Variants in EXOC4 observed in about 807,000 individuals in gnomAD.
EXOC4 encodes the protein SEC8-like 1.
Under a neutral mutation model 107.2 loss-of-function variants are expected in EXOC4, and 71 were observed. The ratio of observed to expected loss-of-function variants is 0.66; its 90% CI spans 0.55 to 0.81. EXOC4 has a LOEUF of 0.81. Among genes scored for constraint, EXOC4 ranks in the 30% least tolerant of loss-of-function variants. The pLI is 0.00. For synonymous variants in EXOC4, 456 were observed against 441.2 expected (o/e 1.03, Z -0.42); for missense variants, 1,108 against 1,189.6 (o/e 0.93, Z 1.01).
chr7:133,785,697 G>A (rs1796554183), intron 10 of EXOC4, among the ~76,000 whole-genome samples: 1 of 151,044 alleles, frequency 6.6e-6, no homozygotes, highest in Non-Finnish European at 1.5e-5. Flanking sequence ...TTTTGAGACG[G>A]AGTCTCGTTC....
At chr7:133,327,148 G>T (rs1403764684) in intron 5 of EXOC4, among the ~76,000 whole-genome samples, 1 of 152,254 alleles carries the variant, frequency 6.6e-6, no homozygotes, top group Non-Finnish European at 1.5e-5. Flanking sequence ...CTGACCCCTT[G>T]TGCTTCCCGA....
chr7:133,766,208 A>G (rs943997767), intron 10 of EXOC4, among the ~76,000 whole-genome samples: 4 of 152,014 alleles, frequency 2.6e-5, no homozygotes, highest in African/African-American at 9.7e-5. Context: ...TATAATTACT[A>G]TGTAAGAACT....
At chr7:134,042,917 A>T (rs949160217) in intron 17 of EXOC4, among the ~76,000 whole-genome samples, 1 of 152,120 alleles carries the variant, frequency 6.6e-6, no homozygotes, top group African/African-American at 2.4e-5. Flanking sequence ...CATGCCTGTA[A>T]TCTCAGCTAC....
chr7:133,281,704 AT>A (rs1029951425), intron 2 of EXOC4, among the ~76,000 whole-genome samples: 3,412 of 125,872 alleles, frequency 0.027, 35 homozygotes, highest in Non-Finnish European at 0.044. Context: ...TTTCTTTTCT[AT>A]TTTTTTTTTT....
intron 9 of EXOC4, among the ~76,000 whole-genome samples, chr7:133,528,145 G>A (rs1241171731): frequency 1.3e-5 from 2 of 152,034 alleles, no homozygotes; most frequent in Admixed American, 1.3e-4. Flanking sequence ...ATAATCTTTG[G>A]CTTAATGACA....
chr7:133,619,925 A>G (rs1315655841), intron 9 of EXOC4, among the ~76,000 whole-genome samples: 2 of 152,150 alleles, frequency 1.3e-5, no homozygotes, highest in Admixed American at 6.5e-5. Context: ...AGCCTAGAGA[A>G]GAAAATATTA....
intron 6 of EXOC4, among the ~76,000 whole-genome samples, chr7:133,369,946 A>AG (rs1401406750): frequency 6.6e-6 from 1 of 151,762 alleles, no homozygotes; most frequent in Non-Finnish European, 1.5e-5. Flanking sequence ...CTGGGATTAC[A>AG]GGCATGCACC....
At chr7:133,267,936 GAT>G (rs1793772764) in intron 1 of EXOC4, among the ~76,000 whole-genome samples, 1 of 152,120 alleles carries the variant, frequency 6.6e-6, no homozygotes, top group South Asian at 2.1e-4. Context: ...GAAAAGGTCT[GAT>G]CTCAGTTCAG....
intron 2 of EXOC4, among the ~76,000 whole-genome samples, chr7:133,284,785 T>G (rs1794236979): frequency 6.6e-6 from 1 of 152,144 alleles, no homozygotes; most frequent in South Asian, 2.1e-4. Context: ...TCTGCTTGCC[T>G]CGGCCTCCCG....
chr7:133,703,375 C>T (rs74861699), intron 10 of EXOC4, among the ~76,000 whole-genome samples: 1,947 of 152,276 alleles, frequency 0.013, 41 homozygotes, highest in African/African-American at 0.045. Context: ...ACCTTCGTCA[C>T]ATGGATGAAT....
chr7:133,671,581 G>A (rs1004959119), intron 10 of EXOC4, among the ~76,000 whole-genome samples: 8 of 151,930 alleles, frequency 5.3e-5, no homozygotes, highest in Non-Finnish European at 1.2e-4. Flanking sequence ...AAATAAATAA[G>A]TAAATAAATA....
At chr7:133,630,756 A>G (rs2151015501) in intron 10 of EXOC4, among the ~76,000 whole-genome samples, 1 of 152,218 alleles carries the variant, frequency 6.6e-6, no homozygotes, top group East Asian at 1.9e-4. Flanking sequence ...TACATCAAAC[A>G]TATGTTTTTA....
At chr7:133,382,882 G>A (rs1796648437) in intron 7 of EXOC4, among the ~76,000 whole-genome samples, 1 of 152,104 alleles carries the variant, frequency 6.6e-6, no homozygotes, top group Non-Finnish European at 1.5e-5. Flanking sequence ...TAGTTGGAAG[G>A]CTCATTTGTC....
At position 133,836,062 on chromosome 7, in the gene EXOC4, G is replaced by A. The variant is rs183865833; in HGVS notation, c.1734+18518G>A. ...TGTTTCCTTATTTCTTTCAGGTTCT[G>A]GACATGTAGGCACAGGCTAGTTTAC... On this transcript the variant is annotated intron_variant, in intron 11 of 17. Transcript: ENST00000253861. Among the ~76,000 whole-genome samples, 3 of 152,142 alleles carry A rather than the reference G, an allele frequency of 2.0e-5. 1 individual carries two copies. The highest frequency in any genetic ancestry group is 2.0e-4 in the Admixed American group (3 of 15,270).
chr7:134,027,389 G>A (rs750563668), intron 17 of EXOC4, among the ~76,000 whole-genome samples: 9 of 152,156 alleles, frequency 5.9e-5, no homozygotes, highest in Non-Finnish European at 1.3e-4. Context: ...GCTGGGCACC[G>A]TGGCTCATGC....
chr7:133,722,394 A>G (rs1211010242), intron 10 of EXOC4, among the ~76,000 whole-genome samples: 1 of 152,190 alleles, frequency 6.6e-6, no homozygotes. Flanking sequence ...TGGAGAAAAT[A>G]GTTAATGTCT....
intron 10 of EXOC4, among the ~76,000 whole-genome samples, chr7:133,700,405 TTGTA>T (rs1794632263): frequency 6.6e-6 from 1 of 152,200 alleles, no homozygotes; most frequent in Non-Finnish European, 1.5e-5. Flanking sequence ...CATCTCAACT[TTGTA>T]TGTTAACAAA....
At chr7:133,409,991 C>T (rs1010730239) in intron 7 of EXOC4, among the ~76,000 whole-genome samples, 2 of 152,108 alleles carry the variant, frequency 1.3e-5, no homozygotes, top group East Asian at 1.9e-4. Flanking sequence ...CTTGATTTTA[C>T]CAATAAAGAT....
At chr7:133,518,990 T>A (rs1171800107) in intron 9 of EXOC4, among the ~76,000 whole-genome samples, 2 of 152,222 alleles carry the variant, frequency 1.3e-5, no homozygotes, top group African/African-American at 2.4e-5. Flanking sequence ...GTAATTTTTA[T>A]GTTATGTATA....
Sources: gnomAD v4.1 joint callset for allele counts (sites outside exome capture counted in the v4.1 genomes callset) on GRCh38, gnomAD v4.1.1 for gene constraint, MANE v1.5 for transcripts, NCBI Gene and HGNC (gene_info 2026-07-23, HGNC 2026-07-21) for gene names.